HHAT: variants seen among roughly 807,000 people sequenced by gnomAD.
The protein encoded by HHAT is protein-cysteine N-palmitoyltransferase HHAT.
In HHAT, 47 loss-of-function variants were observed where a neutral mutation model predicts 70.8. The observed-to-expected ratio is 0.66, with a 90% CI of 0.53 to 0.85. HHAT has a LOEUF of 0.85. Among genes scored for constraint, HHAT ranks in the 40% least tolerant of loss-of-function variants. The pLI is 0.00. For missense variants in HHAT, 609 were observed against 604.8 expected (o/e 1.01, Z -0.07); for synonymous variants, 228 against 247.6 (o/e 0.92, Z 0.74).
chr1:210,604,519 T>C (rs1178125376), intron 10 of HHAT, among the ~76,000 whole-genome samples: 1 of 152,252 alleles, frequency 6.6e-6, no homozygotes, highest in Non-Finnish European at 1.5e-5. Flanking sequence ...AAAGGTTATA[T>C]ACTAAAATAA....
At chr1:210,344,082 A>G (rs1387490003) in intron 1 of HHAT, among the ~76,000 whole-genome samples, 9 of 151,980 alleles carry the variant, frequency 5.9e-5, no homozygotes, top group Admixed American at 5.9e-4. Flanking sequence ...TCCTCCCTGA[A>G]CCCCACAGGT....
At chr1:210,385,614 A>T (rs2090987103) in intron 3 of HHAT, among the ~76,000 whole-genome samples, 1 of 152,214 alleles carries the variant, frequency 6.6e-6, no homozygotes, top group Non-Finnish European at 1.5e-5. Flanking sequence ...CAGGTCATGT[A>T]TCAGGATCTG....
intron 1 of HHAT, among the ~76,000 whole-genome samples, chr1:210,333,299 T>TG (rs2085163565): frequency 6.6e-6 from 1 of 152,128 alleles, no homozygotes; most frequent in Non-Finnish European, 1.5e-5. Context: ...CTAGCATCAC[T>TG]TGTAGTCCCA....
At chr1:210,358,057 C>T (rs544497627) in intron 2 of HHAT, among the ~76,000 whole-genome samples, 1 of 152,136 alleles carries the variant, frequency 6.6e-6, no homozygotes. Context: ...TTCTAATAAG[C>T]CTCCCACAAT....
intron 7 of HHAT, among the ~76,000 whole-genome samples, chr1:210,461,989 A>G (rs79521175): frequency 2.8e-3 from 432 of 152,356 alleles, no homozygotes; most frequent in African/African-American, 9.7e-3. Context: ...TGCAAAATCA[A>G]TCTTTTCCTT....
At chr1:210,407,902 C>T (rs889383669) in intron 6 of HHAT, among the ~76,000 whole-genome samples, 1 of 152,124 alleles carries the variant, frequency 6.6e-6, no homozygotes, top group Non-Finnish European at 1.5e-5. Flanking sequence ...CTCTTCCTTG[C>T]TGGGCACTGT....
rs968124007 is a variant in HHAT at position 210,519,506 on chromosome 1, C to G, written c.1043+6318C>G. Among the ~76,000 whole-genome samples, 6 of 149,912 alleles carry G rather than the reference C, an allele frequency of 4.0e-5. No individual in the cohort carries two copies. The South Asian group carries it at 8.5e-4, about 21-fold the overall frequency. On this transcript the variant is annotated intron_variant, in intron 9 of 11. Transcript: ENST00000261458. Reference sequence around the variant, plus strand: ...GTAAAGAGTTCCTTTATCTGCACATCCTTGCCAACAATTTTCTTTGCTTTT... The same window carrying G: ...GTAAAGAGTTCCTTTATCTGCACATGCTTGCCAACAATTTTCTTTGCTTTT...
chr1:210,332,443 C>T (rs1025962350), intron 1 of HHAT, among the ~76,000 whole-genome samples: 2 of 152,380 alleles, frequency 1.3e-5, no homozygotes, highest in Admixed American at 6.5e-5. Context: ...TTGCGTACCG[C>T]AGTGACTCAT....
At chr1:210,504,171 G>A (rs1457204346) in intron 8 of HHAT, among the ~76,000 whole-genome samples, 3 of 152,186 alleles carry the variant, frequency 2.0e-5, no homozygotes, top group African/African-American at 4.8e-5. Flanking sequence ...AACTTTTCTT[G>A]TTCATTGCTG....
intron 4 of HHAT, among the ~76,000 whole-genome samples, chr1:210,391,448 A>C (rs2091452535): frequency 6.6e-6 from 1 of 152,226 alleles, no homozygotes; most frequent in Non-Finnish European, 1.5e-5. Flanking sequence ...AAAATTAAAA[A>C]CTTTTTATCT....
At chr1:210,670,698 A>G (rs1245016574) in intron 11 of HHAT, among the ~76,000 whole-genome samples, 1 of 152,214 alleles carries the variant, frequency 6.6e-6, no homozygotes, top group African/African-American at 2.4e-5. Context: ...TGCCACGTCT[A>G]CTGTCTGTAG....
chr1:210,529,438 T>C (rs2095290160), intron 9 of HHAT, among the ~76,000 whole-genome samples: 1 of 152,100 alleles, frequency 6.6e-6, no homozygotes, highest in Non-Finnish European at 1.5e-5. Context: ...GAGATCAGTG[T>C]TTATTGTGAC....
At chr1:210,329,260 G>C in intron 1 of HHAT, 156 bp downstream of exon 1, 1 of 1,229,836 alleles carries the variant, frequency 8.1e-7, no homozygotes, top group Non-Finnish European at 1.0e-6. Flanking sequence ...GAAGTTCCCG[G>C]TCGGGCGAAG....
At chr1:210,610,019 G>T (rs1373194841) in intron 10 of HHAT, among the ~76,000 whole-genome samples, 1 of 152,130 alleles carries the variant, frequency 6.6e-6, no homozygotes, top group Non-Finnish European at 1.5e-5. Flanking sequence ...ATTCCCTTGG[G>T]TATATACCCA....
At position 210,329,101 on chromosome 1, in the gene HHAT, G is replaced by A. The variant is rs1431265684; in HGVS notation, c.-47G>A. ...CCGTCGCCGCCGCCCGGGACAGCCC[G>A]GAGGTTGGTAACTGGTGACCATAGG... On this transcript the variant is annotated 5_prime_UTR_variant, in exon 1 of 12. Coordinates refer to ENST00000261458, the MANE Select transcript of HHAT (RefSeq NM_018194.6). 7.2e-7 allele frequency: 1 copy of A among 1,395,834 alleles called. No individual in the cohort carries two copies. Among genetic ancestry groups the A allele is most frequent in the Middle Eastern group, 1.8e-4 (1 of 5,468 alleles). The allele number at this position is 1,395,834 out of a possible 1,614,324, so 86.5% of individuals were successfully genotyped here. A position where few individuals can be genotyped will look rare whatever the true frequency, so the allele number is the denominator to read the frequency against.
In HHAT at chr1:210,570,775, A is replaced by G. The variant is rs551521137; in HGVS notation, c.1044-17123A>G. ...AGCTGCAGGAGAAGTCACTTAAGGC[A>G]GTGCTGTCAAGTCATAAGGTGACGC... On this transcript the variant is annotated intron_variant, in intron 9 of 11. Transcript: ENST00000261458. Among the ~76,000 whole-genome samples the G allele has an allele frequency of 2.6e-5, 4 of 152,334 alleles. No homozygotes were observed. The South Asian group carries it at 8.3e-4, about 32-fold the overall frequency.
At chr1:210,384,159 C>T (rs1220958451) in intron 3 of HHAT, among the ~76,000 whole-genome samples, 5 of 152,194 alleles carry the variant, frequency 3.3e-5, no homozygotes, top group South Asian at 2.1e-4. Flanking sequence ...AAACCCAGAA[C>T]AATCATGTCT....
chr1:210,493,110 C>T (rs1325736711), intron 8 of HHAT, among the ~76,000 whole-genome samples: 1 of 151,898 alleles, frequency 6.6e-6, no homozygotes, highest in Non-Finnish European at 1.5e-5. Flanking sequence ...CTTTATAACA[C>T]CCTACACAGT....
chr1:210,409,296 G>T (rs1426628318), intron 6 of HHAT, among the ~76,000 whole-genome samples: 3 of 152,182 alleles, frequency 2.0e-5, no homozygotes, highest in Non-Finnish European at 4.4e-5. Context: ...CATGAGCCTT[G>T]TTGCGCTGAC....
Sources: allele counts gnomAD v4.1 joint callset (sites outside exome capture counted in the v4.1 genomes callset), GRCh38; gene constraint gnomAD v4.1.1; transcripts MANE v1.5; gene names NCBI Gene and HGNC (gene_info 2026-07-23, HGNC 2026-07-21).